NTRK2: variants seen among roughly 807,000 people sequenced by gnomAD.
NTRK2 encodes neurotrophic receptor tyrosine kinase 2, also known as BDNF/NT-3 growth factors receptor.
Under a neutral mutation model 94.5 loss-of-function variants are expected in NTRK2, and 13 were observed. The ratio of observed to expected loss-of-function variants is 0.14; its 90% CI spans 0.09 to 0.22. The LOEUF is 0.22. Among genes scored for constraint, NTRK2 ranks in the 10% least tolerant of loss-of-function variants. The pLI is 1.00. For missense variants in NTRK2, 639 were observed against 1,071.2 expected (o/e 0.60, Z 5.63); for synonymous variants, 372 against 407.4 (o/e 0.91, Z 1.05).
intron 9 of NTRK2, among the ~76,000 whole-genome samples, chr9:84,732,494 T>A (rs2062961145): frequency 6.6e-6 from 1 of 152,218 alleles, no homozygotes; most frequent in Admixed American, 6.5e-5. Context: ...AGGAGAACTC[T>A]GAGCTGTGTA....
intron 2 of NTRK2, among the ~76,000 whole-genome samples, chr9:84,698,208 C>G (rs565785392): frequency 6.6e-6 from 1 of 152,134 alleles, no homozygotes; most frequent in African/African-American, 2.4e-5. Context: ...TCTTTCTATA[C>G]TTGGCATATC....
intron 12 of NTRK2, among the ~76,000 whole-genome samples, chr9:84,860,507 G>A (rs1200623783): frequency 1.3e-5 from 2 of 151,984 alleles, no homozygotes; most frequent in African/African-American, 4.8e-5. Flanking sequence ...CTCTCCCACG[G>A]GATTTTGTGT....
intron 12 of NTRK2, among the ~76,000 whole-genome samples, chr9:84,770,472 A>G (rs931524597): frequency 1.3e-5 from 2 of 152,014 alleles, no homozygotes; most frequent in Non-Finnish European, 2.9e-5. Flanking sequence ...CTCTCCTGGG[A>G]GCCCCTCCTT....
At chr9:84,782,650 A>C (rs1325756880) in intron 12 of NTRK2, among the ~76,000 whole-genome samples, 1 of 152,218 alleles carries the variant, frequency 6.6e-6, no homozygotes, top group Non-Finnish European at 1.5e-5. Context: ...ATGTCCATTA[A>C]GCCGTGGATA....
chr9:84,854,669 G>A (rs910501428), intron 12 of NTRK2, among the ~76,000 whole-genome samples: 4 of 152,012 alleles, frequency 2.6e-5, no homozygotes, highest in South Asian at 2.1e-4. Context: ...CCTGAGGGCC[G>A]GGCGCGGTGG....
intron 2 of NTRK2, among the ~76,000 whole-genome samples, chr9:84,675,003 T>C (rs1438306908): frequency 6.6e-6 from 1 of 152,246 alleles, no homozygotes; most frequent in African/African-American, 2.4e-5. Flanking sequence ...CTGGGCTGTA[T>C]GTTATTACAA....
chr9:84,880,184 G>A (rs747269089), intron 14 of NTRK2, among the ~76,000 whole-genome samples: 1 of 152,162 alleles, frequency 6.6e-6, no homozygotes, highest in East Asian at 1.9e-4. Flanking sequence ...TCGGAGATTA[G>A]CATATCTGAT....
At chr9:84,758,834 G>A (rs779718914) in intron 12 of NTRK2, among the ~76,000 whole-genome samples, 13 of 152,174 alleles carry the variant, frequency 8.5e-5, no homozygotes, top group Non-Finnish European at 1.0e-4. Context: ...GTATCAGAAA[G>A]CCACTAATAA....
chr9:84,753,916 G>A (rs1305336325), intron 12 of NTRK2, among the ~76,000 whole-genome samples: 1 of 152,134 alleles, frequency 6.6e-6, no homozygotes, highest in Non-Finnish European at 1.5e-5. Context: ...GCAAAATTTA[G>A]GAACTTCTTC....
At chr9:84,873,855 T>C in intron 14 of NTRK2, 1 of 1,059,280 alleles carries the variant, frequency 9.4e-7, no homozygotes, top group Non-Finnish European at 1.1e-6. Flanking sequence ...CTAAGCTTGG[T>C]GTCTGAAAAG....
At chr9:84,770,460 C>T (rs1382601062) in intron 12 of NTRK2, among the ~76,000 whole-genome samples, 1 of 152,142 alleles carries the variant, frequency 6.6e-6, no homozygotes, top group African/African-American at 2.4e-5. Context: ...CTCCCTGTTC[C>T]CCTCTCCTGG....
intron 8 of NTRK2, among the ~76,000 whole-genome samples, chr9:84,726,065 A>G (rs1456992485): frequency 6.6e-6 from 1 of 152,224 alleles, no homozygotes; most frequent in Non-Finnish European, 1.5e-5. Context: ...CCTGCTTTCT[A>G]TTAAAAATAT....
chr9:84,985,928 G>A (rs550649216), intron 17 of NTRK2, among the ~76,000 whole-genome samples: 1 of 152,278 alleles, frequency 6.6e-6, no homozygotes, highest in South Asian at 2.1e-4. Context: ...GGTGTGGGAA[G>A]GGGCAAGGAA....
chr9:84,776,903 G>A (rs2067102433), intron 12 of NTRK2, among the ~76,000 whole-genome samples: 1 of 152,164 alleles, frequency 6.6e-6, no homozygotes, highest in Non-Finnish European at 1.5e-5. Flanking sequence ...TCTTTGAAAA[G>A]ATAATCCAAA....
intron 12 of NTRK2, among the ~76,000 whole-genome samples, chr9:84,762,237 C>T (rs1486227689): frequency 1.3e-5 from 2 of 152,106 alleles, no homozygotes. Flanking sequence ...AACAAGGGTA[C>T]CTTTGACATT....
intron 12 of NTRK2, among the ~76,000 whole-genome samples, chr9:84,808,228 G>A (rs1318855302): frequency 6.6e-6 from 1 of 152,186 alleles, no homozygotes; most frequent in South Asian, 2.1e-4. Context: ...GTTTCCAACT[G>A]TAATAATTAG....
chr9:84,812,449 T>TG, intron 12 of NTRK2: 11 of 1,053,828 alleles, frequency 1.0e-5, no homozygotes, highest in Non-Finnish European at 1.3e-5. Flanking sequence ...GCCCCCAATG[T>TG]GGGGAGGTCC....
At chr9:84,949,852 T>C (rs1365481152) in intron 16 of NTRK2, among the ~76,000 whole-genome samples, 3 of 152,132 alleles carry the variant, frequency 2.0e-5, no homozygotes, top group Admixed American at 1.3e-4. Context: ...AACCACAAGA[T>C]AGAGCAGGTG....
intron 14 of NTRK2, among the ~76,000 whole-genome samples, chr9:84,931,955 G>C (rs2078052121): frequency 6.6e-6 from 1 of 152,118 alleles, no homozygotes; most frequent in Non-Finnish European, 1.5e-5. Context: ...ACTGGAGCAT[G>C]AGAAATTAAT....
Sources: allele counts gnomAD v4.1 joint callset (sites outside exome capture counted in the v4.1 genomes callset), GRCh38; gene constraint gnomAD v4.1.1; transcripts MANE v1.5; gene names NCBI Gene and HGNC (gene_info 2026-07-23, HGNC 2026-07-21).